Variants in CFAP299 observed in about 807,000 individuals in gnomAD.
CFAP299 encodes cilia and flagella associated protein 299, also known as cilia- and flagella-associated protein 299.
Under a neutral mutation model 27.0 loss-of-function variants are expected in CFAP299, and 21 were observed. The ratio of observed to expected loss-of-function variants is 0.78; its 90% CI spans 0.55 to 1.12. The LOEUF (loss-of-function observed/expected upper bound fraction) is 1.12, where lower values mean the gene tolerates loss of function less well. Ranked by LOEUF, CFAP299 falls within the 50% of genes most tolerant of loss-of-function variation. The probability of loss-of-function intolerance (pLI) is 0.00; values close to 1 mark genes in which losing one functional copy is unlikely to be tolerated. For missense variants in CFAP299, 310 were observed against 276.6 expected, an observed-to-expected ratio of 1.12 and a Z score of -0.86; for synonymous variants, 104 against 98.1, an observed-to-expected ratio of 1.06 and a Z score of -0.36.
At position 80,634,767 on chromosome 4, in the gene CFAP299, A is replaced by G. The variant is rs1484312112; in HGVS notation, c.333+51584A>G. 2.0e-5 allele frequency among the ~76,000 whole-genome samples: 3 copies of G among 152,160 alleles called. No individual in the cohort carries two copies. In the East Asian group the frequency reaches 5.8e-4, roughly 29 times the overall value. ...AATTTGGATTTAATAAGCTTCCAAAAGCATTTAGGAATTTTTAGTTCTTTG... is the reference window on the plus strand; with the variant it reads ...AATTTGGATTTAATAAGCTTCCAAAGGCATTTAGGAATTTTTAGTTCTTTG... On this transcript the variant is annotated intron_variant, in intron 3 of 5. Coordinates refer to ENST00000358105, the MANE Select transcript of CFAP299 (RefSeq NM_152770.3).
At chr4:80,833,336 C>T (rs769104662) in intron 3 of CFAP299, among the ~76,000 whole-genome samples, 1 of 151,828 alleles carries the variant, frequency 6.6e-6, no homozygotes, top group Non-Finnish European at 1.5e-5. Flanking sequence ...ATTTGGGAAC[C>T]GAGAGCTCGT....
At chr4:80,490,203 T>C (rs2110137528) in intron 2 of CFAP299, among the ~76,000 whole-genome samples, 1 of 152,342 alleles carries the variant, frequency 6.6e-6, no homozygotes. Flanking sequence ...TAGATACCAA[T>C]TCTCAAGTGG....
intron 2 of CFAP299, among the ~76,000 whole-genome samples, chr4:80,396,476 C>T (rs1174015299): frequency 1.3e-5 from 2 of 152,002 alleles, no homozygotes; most frequent in African/African-American, 2.4e-5. Context: ...AACATTTGTA[C>T]AGTGTATTTT....
intron 5 of CFAP299, among the ~76,000 whole-genome samples, chr4:80,947,260 G>A (rs56825154): frequency 0.016 from 2,361 of 152,244 alleles, 65 homozygotes; most frequent in African/African-American, 0.054. Context: ...TTTGGTTAAT[G>A]AGTGGTAAGA....
chr4:80,342,503 C>T (rs569145994), intron 1 of CFAP299, among the ~76,000 whole-genome samples: 59 of 152,290 alleles, frequency 3.9e-4, no homozygotes, highest in African/African-American at 1.3e-3. Flanking sequence ...GAAGAGATTG[C>T]AGACCAATGT....
At chr4:80,733,206 A>G (rs995180330) in intron 3 of CFAP299, among the ~76,000 whole-genome samples, 1 of 152,146 alleles carries the variant, frequency 6.6e-6, no homozygotes, top group African/African-American at 2.4e-5. Flanking sequence ...TGAACTACTA[A>G]GTTACTCTTT....
chr4:80,946,497 T>TA (rs777793559), intron 5 of CFAP299, among the ~76,000 whole-genome samples: 7 of 152,296 alleles, frequency 4.6e-5, no homozygotes, highest in Non-Finnish European at 5.9e-5. Flanking sequence ...AAGTTAGTCT[T>TA]ATGGAGGTGA....
chr4:80,624,675 T>A (rs745857316), intron 3 of CFAP299, among the ~76,000 whole-genome samples: 3 of 151,908 alleles, frequency 2.0e-5, no homozygotes, highest in Non-Finnish European at 4.4e-5. Context: ...AAGACTATTT[T>A]AAAAATATTA....
At chr4:80,938,917 TA>T (rs1737057255) in intron 4 of CFAP299, among the ~76,000 whole-genome samples, 2 of 152,178 alleles carry the variant, frequency 1.3e-5, no homozygotes, top group Non-Finnish European at 2.9e-5. Context: ...GCCAAGTAAA[TA>T]ATTCTTTGTT....
intron 4 of CFAP299, among the ~76,000 whole-genome samples, chr4:80,910,868 A>G (rs1221752683): frequency 2.0e-5 from 3 of 152,134 alleles, no homozygotes; most frequent in Non-Finnish European, 1.5e-5. Context: ...TCTTGGAAGT[A>G]TGAACTCTGG....
At chr4:80,934,798 G>A (rs1428569924) in intron 4 of CFAP299, among the ~76,000 whole-genome samples, 1 of 151,638 alleles carries the variant, frequency 6.6e-6, no homozygotes, top group Non-Finnish European at 1.5e-5. Flanking sequence ...GTCTACTTAA[G>A]GTATGTCAAC....
intron 2 of CFAP299, among the ~76,000 whole-genome samples, chr4:80,503,429 C>T (rs904585718): frequency 3.3e-5 from 5 of 152,026 alleles, no homozygotes; most frequent in African/African-American, 9.7e-5. Flanking sequence ...TTGCAAGTTT[C>T]CCACATACTG....
At chr4:80,328,190 GT>G in the CFAP299 span, among the ~76,000 whole-genome samples, 1 of 152,080 alleles carries the variant, frequency 6.6e-6, no homozygotes, top group African/African-American at 2.4e-5. Context: ...CTTTCAATAA[GT>G]TTTTTTAATA....
chr4:80,696,308 A>T lies in CFAP299; in HGVS notation c.333+113125A>T, dbSNP rs573820990. 5.4e-5 allele frequency among the ~76,000 whole-genome samples: 7 copies of T among 130,152 alleles called. No homozygotes were observed. The South Asian group carries it at 2.0e-3, about 37-fold the overall frequency. 85.4% of individuals were successfully genotyped at this position (130,152 alleles called of 152,430 possible). The stretch of plus-strand genomic sequence containing the variant: ...AGCTCCGTCTCAAAAAAAAAAAAAA[A>T]AGAAGAAGTAGAATTTAATCCACCA... On this transcript the variant is annotated intron_variant, in intron 3 of 5. Transcript: ENST00000358105.
At chr4:80,554,012 A>C (rs1359609799) in intron 2 of CFAP299, among the ~76,000 whole-genome samples, 2 of 151,882 alleles carry the variant, frequency 1.3e-5, no homozygotes, top group Non-Finnish European at 2.9e-5. Flanking sequence ...CCTATTTGTC[A>C]ATTTTTGCTT....
intron 3 of CFAP299, among the ~76,000 whole-genome samples, chr4:80,610,844 T>A (rs1276963610): frequency 1.3e-5 from 2 of 152,048 alleles, no homozygotes; most frequent in African/African-American, 4.8e-5. Flanking sequence ...TCATCAGTCA[T>A]GGTTATATTG....
intron 3 of CFAP299, among the ~76,000 whole-genome samples, chr4:80,678,515 A>C (rs1233593581): frequency 6.6e-6 from 1 of 151,978 alleles, no homozygotes; most frequent in East Asian, 1.9e-4. Flanking sequence ...GCTATTATTA[A>C]CTCTATTTTG....
chr4:80,600,006 C>T (rs1023893091), intron 3 of CFAP299, among the ~76,000 whole-genome samples: 2 of 151,886 alleles, frequency 1.3e-5, no homozygotes, highest in Admixed American at 6.6e-5. Flanking sequence ...GCATAATAAA[C>T]AAGGAAAATA....
At chr4:80,736,502 G>C (rs1469149117) in intron 3 of CFAP299, among the ~76,000 whole-genome samples, 1 of 151,386 alleles carries the variant, frequency 6.6e-6, no homozygotes, top group Admixed American at 6.6e-5. Context: ...AGTGGGCGAA[G>C]GACATGAACA....
Sources: allele counts gnomAD v4.1 joint callset (sites outside exome capture counted in the v4.1 genomes callset), GRCh38; gene constraint gnomAD v4.1.1; transcripts MANE v1.5; gene names NCBI Gene and HGNC (gene_info 2026-07-23, HGNC 2026-07-21).